The following SNTG1 variants were observed in gnomAD, a reference collection of about 807,000 sequenced individuals.
The protein encoded by SNTG1 is gamma-1-syntrophin.
A neutral mutation model predicts 74.7 loss-of-function variants in SNTG1; 39 were observed. The ratio of observed to expected loss-of-function variants is 0.52; its 90% CI spans 0.40 to 0.68. The LOEUF (loss-of-function observed/expected upper bound fraction) is 0.68. SNTG1 is among the 30% of genes least tolerant of loss of function. The pLI is 0.00. For missense variants in SNTG1, 685 were observed against 609.5 expected (o/e 1.12, Z -1.30); for synonymous variants, 254 against 217.1 (o/e 1.17, Z -1.49).
chr8:50,407,702 A>G (rs1199436996), intron 4 of SNTG1, among the ~76,000 whole-genome samples: 5 of 152,204 alleles, frequency 3.3e-5, no homozygotes, highest in Admixed American at 3.3e-4. Flanking sequence ...CCAGTATTGC[A>G]TTAGATGAAG....
intron 1 of SNTG1, among the ~76,000 whole-genome samples, chr8:50,020,655 T>C (rs1290904375): frequency 6.6e-6 from 1 of 152,158 alleles, no homozygotes; most frequent in Non-Finnish European, 1.5e-5. Context: ...ACAAAGGGGC[T>C]ATTTATTGGA....
intron 2 of SNTG1, among the ~76,000 whole-genome samples, chr8:50,337,273 G>A (rs942630266): frequency 6.6e-6 from 1 of 152,210 alleles, no homozygotes; most frequent in Non-Finnish European, 1.5e-5. Context: ...AGCTTACTAG[G>A]AGCAGAAACC....
At chr8:50,599,321 C>A (rs1291464167) in intron 13 of SNTG1, among the ~76,000 whole-genome samples, 1 of 151,818 alleles carries the variant, frequency 6.6e-6, no homozygotes, top group Admixed American at 6.6e-5. Context: ...CTTCTTTTTG[C>A]TCAGGATAGC....
intron 11 of SNTG1, among the ~76,000 whole-genome samples, chr8:50,542,807 A>G (rs2094357924): frequency 6.6e-6 from 1 of 152,094 alleles, no homozygotes; most frequent in Non-Finnish European, 1.5e-5. Flanking sequence ...GAGATATCTC[A>G]TTGTAGTTTT....
chr8:50,420,952 G>C (rs2093074300), intron 4 of SNTG1, among the ~76,000 whole-genome samples: 1 of 148,160 alleles, frequency 6.7e-6, no homozygotes, highest in African/African-American at 2.5e-5. Context: ...TTGAACCAAG[G>C]AGGTGGAGGT....
intron 15 of SNTG1, among the ~76,000 whole-genome samples, chr8:50,668,879 AT>A (rs893194536): frequency 6.6e-6 from 1 of 152,018 alleles, no homozygotes; most frequent in Non-Finnish European, 1.5e-5. Context: ...TCAGTCTGTC[AT>A]TGGTGGGCAT....
intron 1 of SNTG1, chr8:50,164,102 T>C (rs999641513): frequency 5.5e-5 from 8 of 146,322 alleles, no homozygotes; most frequent in African/African-American, 2.0e-4. Context: ...CTTTTTTTTT[T>C]TTTTTTTTTT....
At chr8:50,692,888 G>A (rs1162093097) in intron 15 of SNTG1, among the ~76,000 whole-genome samples, 1 of 152,226 alleles carries the variant, frequency 6.6e-6, no homozygotes, top group Non-Finnish European at 1.5e-5. Context: ...TTGAGCTGTG[G>A]TAGGCTCCAC....
intron 13 of SNTG1, among the ~76,000 whole-genome samples, chr8:50,613,625 T>C (rs909212136): frequency 3.9e-5 from 6 of 152,176 alleles, no homozygotes; most frequent in Non-Finnish European, 7.4e-5. Context: ...AAAACATATG[T>C]TATTCAAAAT....
At chr8:50,487,333 A>C (rs2093804976) in intron 8 of SNTG1, among the ~76,000 whole-genome samples, 1 of 152,218 alleles carries the variant, frequency 6.6e-6, no homozygotes, top group East Asian at 1.9e-4. Context: ...CCATCCCATT[A>C]CTGGGTATAT....
chr8:50,498,595 A>G (rs975266720), intron 8 of SNTG1, among the ~76,000 whole-genome samples: 1 of 151,884 alleles, frequency 6.6e-6, no homozygotes, highest in Non-Finnish European at 1.5e-5. Flanking sequence ...AATTTTGATT[A>G]CTCCCAACTT....
At chr8:50,394,596 T>C (rs751898407) in intron 3 of SNTG1, among the ~76,000 whole-genome samples, 4 of 152,206 alleles carry the variant, frequency 2.6e-5, no homozygotes, top group Non-Finnish European at 2.9e-5. Context: ...AGAAGACATC[T>C]AAGGTTCCTT....
At chr8:49,971,453 G>A (rs1811665187) in intron 1 of SNTG1, among the ~76,000 whole-genome samples, 1 of 152,130 alleles carries the variant, frequency 6.6e-6, no homozygotes, top group African/African-American at 2.4e-5. Flanking sequence ...TTCAAAACTG[G>A]CACAAGACAG....
At chr8:50,187,416 A>G (rs2083423923) in intron 2 of SNTG1, among the ~76,000 whole-genome samples, 1 of 152,164 alleles carries the variant, frequency 6.6e-6, no homozygotes, top group Admixed American at 6.6e-5. Context: ...AGCTATGGGG[A>G]AAGGATTCCC....
At chr8:50,506,181 G>C (rs1191020611) in intron 9 of SNTG1, among the ~76,000 whole-genome samples, 1 of 151,976 alleles carries the variant, frequency 6.6e-6, no homozygotes, top group East Asian at 1.9e-4. Context: ...TTAATTTTGG[G>C]ATTATTCCGT....
At chr8:49,920,073 TAGAGA>T (rs1172274762) in intron 1 of SNTG1, among the ~76,000 whole-genome samples, 2 of 152,098 alleles carry the variant, frequency 1.3e-5, no homozygotes, top group Non-Finnish European at 2.9e-5. Context: ...TTTAAGCGAT[TAGAGA>T]AAACTAAAAT....
At chr8:50,505,177 T>C (rs1229703296) in intron 9 of SNTG1, among the ~76,000 whole-genome samples, 1 of 152,184 alleles carries the variant, frequency 6.6e-6, no homozygotes, top group African/African-American at 2.4e-5. Context: ...CATTCCTATT[T>C]AAGAATGAAT....
chr8:49,979,013 T>C (rs1812431049), intron 1 of SNTG1, among the ~76,000 whole-genome samples: 1 of 152,182 alleles, frequency 6.6e-6, no homozygotes, highest in Non-Finnish European at 1.5e-5. Flanking sequence ...CTTGGGAGAA[T>C]TGACACCATA....
intron 1 of SNTG1, among the ~76,000 whole-genome samples, chr8:50,108,719 G>A (rs2080473820): frequency 1.3e-5 from 2 of 152,108 alleles, no homozygotes; most frequent in Non-Finnish European, 2.9e-5. Flanking sequence ...ATCCTACTAT[G>A]TCCAGCTCCT....
Sources: allele counts gnomAD v4.1 joint callset (sites outside exome capture counted in the v4.1 genomes callset), GRCh38; gene constraint gnomAD v4.1.1; transcripts MANE v1.5; gene names NCBI Gene and HGNC (gene_info 2026-07-23, HGNC 2026-07-21).